Variants in ITGA1 observed in about 807,000 individuals in gnomAD.
ITGA1 encodes integrin alpha-1.
ITGA1 carries 85 observed loss-of-function variants against 145.9 expected under a neutral mutation model. The observed-to-expected ratio is 0.58, with a 90% CI of 0.49 to 0.70. The LOEUF is 0.70. Ranked by LOEUF, ITGA1 falls within the 30% of genes least tolerant of loss-of-function variation. The probability of loss-of-function intolerance (pLI) is 0.00; values close to 1 mark genes in which losing one functional copy is unlikely to be tolerated. For synonymous variants in ITGA1, 520 were observed against 495.3 expected (o/e 1.05, Z -0.66); for missense variants, 1,351 against 1,418.7 (o/e 0.95, Z 0.77).
chr5:52,862,798 A>G (rs1749626922), intron 3 of ITGA1, among the ~76,000 whole-genome samples: 1 of 152,212 alleles, frequency 6.6e-6, no homozygotes, highest in Admixed American at 6.5e-5. Flanking sequence ...TCTATACAAT[A>G]TTACATACTA....
intron 13 of ITGA1, 99 bp downstream of exon 13, chr5:52,909,140 G>A: frequency 2.4e-6 from 3 of 1,253,388 alleles, no homozygotes; most frequent in Non-Finnish European, 3.3e-6. Context: ...TGAAAAAACA[G>A]AGCAAAGAAG....
chr5:52,789,928 G>GA (rs1174780424), intron 1 of ITGA1, among the ~76,000 whole-genome samples: 18 of 152,316 alleles, frequency 1.2e-4, no homozygotes, highest in African/African-American at 4.1e-4. Flanking sequence ...ATATGTTGGT[G>GA]AAATATACAT....
At position 52,952,431 on chromosome 5, in the gene ITGA1, A is replaced by G; in HGVS notation, c.3520A>G (p.Lys1174Glu). The G allele has an allele frequency of 7.0e-7, 1 of 1,419,228 alleles. No homozygotes were observed. The highest frequency in any genetic ancestry group is 1.3e-5 in the South Asian group (1 of 77,858). The allele number at this position is 1,419,228 out of a possible 1,614,324, so 87.9% of individuals were successfully genotyped here. Residue 1174 changes from lysine (K) to glutamate (E), a missense_variant, in exon 29 of 29, where the codon AAA (lysine) becomes GAA (glutamate). Coordinates refer to ENST00000282588, the MANE Select transcript of ITGA1 (RefSeq NM_181501.2). The part of the protein sequence containing the change: ...WKIGFFKRPL[K>E]KKMEK Reference sequence around the variant, plus strand: ...GATTGGATTCTTCAAAAGACCACTGAAAAAGAAAATGGAGAAATGAAATAT... The same window carrying G: ...GATTGGATTCTTCAAAAGACCACTGGAAAAGAAAATGGAGAAATGAAATAT...
chr5:52,833,648 GTT>G (rs1272184975), intron 1 of ITGA1, among the ~76,000 whole-genome samples: 1 of 152,016 alleles, frequency 6.6e-6, no homozygotes, highest in African/African-American at 2.4e-5. Context: ...TTGGTATTGA[GTT>G]TTTTCTTTAT....
At chr5:52,796,752 T>A (rs2111652280) in intron 1 of ITGA1, among the ~76,000 whole-genome samples, 1 of 152,184 alleles carries the variant, frequency 6.6e-6, no homozygotes, top group East Asian at 1.9e-4. Flanking sequence ...TAAAGATAAA[T>A]CCTTCCAGAG....
At position 52,952,568 on chromosome 5, in the gene ITGA1, C is replaced by G; in HGVS notation, c.*117C>G. On this transcript the variant is annotated 3_prime_UTR_variant, in exon 29 of 29. Transcript: ENST00000282588. Reference sequence around the variant, plus strand: ...ATAGTCATGTAACTATGTAATCCATCAGGGATTCATTACTTGGAAAATGAC... The same window carrying G: ...ATAGTCATGTAACTATGTAATCCATGAGGGATTCATTACTTGGAAAATGAC... The G allele has an allele frequency of 4.7e-6, 2 of 424,740 alleles. No homozygotes were observed. Among genetic ancestry groups the G allele is most frequent in the Non-Finnish European group, 4.3e-6 (1 of 232,860 alleles). The allele number at this position is 424,740 out of a possible 1,614,324, so 26.3% of individuals were successfully genotyped here. A position where few individuals can be genotyped will look rare whatever the true frequency, so the allele number is the denominator to read the frequency against.
intron 11 of ITGA1, among the ~76,000 whole-genome samples, 184 bp downstream of exon 11, chr5:52,898,567 T>C (rs770375133): frequency 2.0e-5 from 3 of 152,276 alleles, no homozygotes; most frequent in African/African-American, 7.2e-5. Flanking sequence ...CAAAATGACA[T>C]ACATGGGGGT....
intron 13 of ITGA1, among the ~76,000 whole-genome samples, chr5:52,909,575 C>T (rs1490848065): frequency 6.6e-6 from 1 of 151,984 alleles, no homozygotes; most frequent in Non-Finnish European, 1.5e-5. Flanking sequence ...TATAGCAAAG[C>T]CAGTGTTTAT....
chr5:52,873,949 T>C (rs1749825440), intron 6 of ITGA1, among the ~76,000 whole-genome samples: 1 of 151,986 alleles, frequency 6.6e-6, no homozygotes. Context: ...TAGAAGATAA[T>C]AATATAATTA....
chr5:52,856,189 C>T (rs1749509080), intron 2 of ITGA1, among the ~76,000 whole-genome samples: 1 of 152,176 alleles, frequency 6.6e-6, no homozygotes, highest in Admixed American at 6.5e-5. Flanking sequence ...ATTCTGAGTT[C>T]TAGCCACCCA....
intron 1 of ITGA1, chr5:52,803,484 T>C (rs1748529482): frequency 6.6e-6 from 1 of 152,190 alleles, no homozygotes; most frequent in Non-Finnish European, 1.5e-5. Context: ...ATCTATGCAG[T>C]ACTGAAATGA....
Position 52,800,290 on chromosome 5 carries a change from C to A in ITGA1, c.61+11876C>A, listed in dbSNP as rs1379382309. 5 of 1,294,896 alleles carry A rather than the reference C, an allele frequency of 3.9e-6. No homozygotes were observed. The Admixed American group carries it at 6.2e-5, about 16-fold the overall frequency. The allele number at this position is 1,294,896 out of a possible 1,614,324, so 80.2% of individuals were successfully genotyped here. A position where few individuals can be genotyped will look rare whatever the true frequency, so the allele number is the denominator to read the frequency against. ...CCGCCAGGCAAGTGCCCTTAGAAAC[C>A]GGGCCCCGCCCCCTTCCTGGCCTGC... is the stretch of plus-strand genomic sequence containing the variant. On this transcript the variant is annotated intron_variant, in intron 1 of 28. Transcript: ENST00000282588.
At chr5:52,803,141 G>A (rs1035368716) in intron 1 of ITGA1, 2 of 152,160 alleles carry the variant, frequency 1.3e-5, no homozygotes, top group South Asian at 4.1e-4. Context: ...TCCTGTGTCT[G>A]TGGGCCTTCC....
At chr5:52,921,000 TTA>T (rs1263198347) in intron 17 of ITGA1, among the ~76,000 whole-genome samples, 5 of 140,402 alleles carry the variant, frequency 3.6e-5, no homozygotes, top group Admixed American at 7.2e-5. Flanking sequence ...TTTTTTTTTT[TTA>T]ATTTTAGTGG....
At chr5:52,909,310 G>A (rs192776894) in intron 13 of ITGA1, among the ~76,000 whole-genome samples, 199 of 152,066 alleles carry the variant, frequency 1.3e-3, no homozygotes, top group Non-Finnish European at 2.2e-3. Context: ...TCACTAAACT[G>A]CTAAATAAAC....
chr5:52,811,855 TTTCCA>T (rs1359138985), intron 1 of ITGA1, among the ~76,000 whole-genome samples: 3 of 152,214 alleles, frequency 2.0e-5, no homozygotes, highest in Non-Finnish European at 4.4e-5. Flanking sequence ...TGGAATGCTC[TTTCCA>T]TTTGGCTAGA....
rs1259805465 is a variant in ITGA1 at position 52,920,431 on chromosome 5, G to A, written c.2255G>A (p.Arg752Gln). The stretch of plus-strand genomic sequence containing the variant: ...AAGGTTCAAAGGAACATCACAGTTC[G>A]AAAATCAGAATGCACTAAGCACTCC... Reference protein sequence around the residue: ...ERKVQRNITVRKSECTKHSFY... With the variant: ...ERKVQRNITVQKSECTKHSFY... Residue 752 changes from arginine to glutamine, a missense_variant, in exon 17 of 29, where the codon CGA becomes CAA. Physicochemically the swap from Arg to Gln is conservative, Grantham distance 43. Coordinates refer to ENST00000282588, the MANE Select transcript of ITGA1 (RefSeq NM_181501.2). 8.7e-6 allele frequency: 14 copies of A among 1,609,192 alleles called. No individual in the cohort carries two copies. Among genetic ancestry groups the A allele is most frequent in the Admixed American group, 1.7e-5 (1 of 59,116 alleles).
chr5:52,834,737 G>T lies in ITGA1; in HGVS notation c.62-14628G>T, dbSNP rs538196567. ...AAGGAAGGAGAGAAAGAGAGAGAGA[G>T]ATCTGGTATCCCTTTCTTTTATTAT... is the stretch of plus-strand genomic sequence containing the variant. On this transcript the variant is annotated intron_variant, in intron 1 of 28. Coordinates refer to ENST00000282588, the MANE Select transcript of ITGA1 (RefSeq NM_181501.2). Among the ~76,000 whole-genome samples the T allele has an allele frequency of 7.9e-5, 12 of 151,792 alleles. No homozygotes were observed. In the South Asian group the frequency reaches 2.5e-3, roughly 32 times the overall value.
intron 1 of ITGA1, among the ~76,000 whole-genome samples, chr5:52,834,536 AAG>A (rs1340994449): frequency 3.3e-5 from 4 of 122,338 alleles, no homozygotes; most frequent in East Asian, 2.4e-4. Flanking sequence ...GAGAGGAAGA[AAG>A]AGAAAGAAAG....
Sources: gnomAD v4.1 joint callset for allele counts (sites outside exome capture counted in the v4.1 genomes callset) on GRCh38, gnomAD v4.1.1 for gene constraint, MANE v1.5 for transcripts, NCBI Gene and HGNC (gene_info 2026-07-23, HGNC 2026-07-21) for gene names.